CAMTA2: variants seen among roughly 807,000 people sequenced by gnomAD.
CAMTA2 encodes the protein calmodulin-binding transcription activator 2.
A neutral mutation model predicts 135.7 loss-of-function variants in CAMTA2; 56 were observed. The observed-to-expected ratio is 0.41, with a 90% CI of 0.33 to 0.52. CAMTA2 has a LOEUF of 0.52. Ranked by LOEUF, CAMTA2 falls within the 20% of genes least tolerant of loss-of-function variation. The probability of loss-of-function intolerance (pLI) is 0.16; values close to 1 mark genes in which losing one functional copy is unlikely to be tolerated. For synonymous variants in CAMTA2, 591 were observed against 604.6 expected, an observed-to-expected ratio of 0.98 and a Z score of 0.33; for missense variants, 1,358 against 1,553.4, an observed-to-expected ratio of 0.87 and a Z score of 2.11.
chr17:4,972,206 CA>C, intron 16 of CAMTA2, 25 bp downstream of exon 16: 1 of 1,594,840 alleles, frequency 6.3e-7, no homozygotes. Context: ...TTCTAGCCCC[CA>C]TAACTCCATC....
chr17:4,973,057 T>C (rs1597735598), intron 14 of CAMTA2, 66 bp from the exon 15 acceptor site: 1 of 1,511,210 alleles, frequency 6.6e-7, no homozygotes, highest in African/African-American at 1.4e-5. Flanking sequence ...TTCCTCCAGG[T>C]AGTCAGGTCT....
In CAMTA2 at chr17:4,974,438, T is replaced by C. The variant is rs1248635359; in HGVS notation, c.1963A>G (p.Ile655Val). 1 of 1,613,914 alleles carries C rather than the reference T, an allele frequency of 6.2e-7. No homozygotes were observed. The highest frequency in any genetic ancestry group is 8.5e-7 in the Non-Finnish European group (1 of 1,179,942). The change falls in exon 12 of 23, where the codon ATC becomes GTC. Residue 655 changes from isoleucine to valine, a missense_variant. Physicochemically the swap from Ile to Val is conservative, Grantham distance 29. Around this residue, in one of 4 missense-constraint regions of CAMTA2, gnomAD observed 1,077 missense variants for 1,127.5 expected, o/e 0.96. Transcript: ENST00000348066. ...CAAGGCACCTGCCCAGCTGCTGCGA[T>C]CTCTGCCATCCGCTTCTCCATCTGC... ...LEQMEKRMAE[I>V]AAAGQVPCQG...
chr17:4,986,259 G>C lies in CAMTA2; in HGVS notation c.-37C>G, dbSNP rs991497139. On this transcript the variant is annotated 5_prime_UTR_variant, in exon 2 of 23. It introduces an in-frame stop codon into an upstream open reading frame of the 5' UTR. Transcript: ENST00000348066. ...CAGGGGGCAAGGTCACCCCCGGCCTGAGGGGCCGGGGGGAGGGGGAGTCTG... is the reference window on the plus strand; with the variant it reads ...CAGGGGGCAAGGTCACCCCCGGCCTCAGGGGCCGGGGGGAGGGGGAGTCTG... The C allele has an allele frequency of 5.8e-6, 9 of 1,543,322 alleles. No individual in the cohort carries two copies. Among genetic ancestry groups the C allele is most frequent in the Non-Finnish European group, 8.0e-6 (9 of 1,123,224 alleles).
At chr17:4,976,408 T>G (rs958167937) in intron 11 of CAMTA2, among the ~76,000 whole-genome samples, 1 of 152,204 alleles carries the variant, frequency 6.6e-6, no homozygotes, top group Non-Finnish European at 1.5e-5. Flanking sequence ...AATTTAAATA[T>G]ATAAGTACAG....
chr17:4,969,605 CA>C lies in CAMTA2; in HGVS notation c.3261+24del. 6.2e-7 allele frequency: 1 copy of C among 1,613,962 alleles called. No individual in the cohort carries two copies. The highest frequency in any genetic ancestry group is 1.7e-5 in the Admixed American group (1 of 60,004). On this transcript the variant is annotated intron_variant, in intron 19 of 22. Transcript: ENST00000348066. This position sits in a 1 kb window ranked among gnomAD's most constrained non-coding sequence, Gnocchi z 5.6. ...GTGTGGGTTGGTGGGTTGCTGGTTA[CA>C]CTTTTGAGGGAGAAGGGTCTCACCT... is the stretch of plus-strand genomic sequence containing the variant.
chr17:4,970,145 A>G lies in CAMTA2; in HGVS notation c.3006-60T>C, dbSNP rs370933374. 70 of 1,538,234 alleles carry G rather than the reference A, an allele frequency of 4.6e-5. 2 individuals are homozygous for G. In the South Asian group the frequency reaches 5.4e-4, roughly 12 times the overall value. ...ATCTGAAGTCCCTCCTCTGCCACCT[A>G]TGGATGGCTACGAAGGAAAACCACC... is the stretch of plus-strand genomic sequence containing the variant. On this transcript the variant is annotated intron_variant, in intron 17 of 22. Transcript: ENST00000348066.
At position 4,969,409 on chromosome 17, in the gene CAMTA2, A is replaced by C; in HGVS notation, c.3283-72T>G. 4 of 1,608,402 alleles carry C rather than the reference A, an allele frequency of 2.5e-6. No homozygotes were observed. In the South Asian group the frequency reaches 4.4e-5, roughly 18 times the overall value. On this transcript the variant is annotated intron_variant, in intron 20 of 22. Coordinates refer to ENST00000348066, the MANE Select transcript of CAMTA2 (RefSeq NM_015099.4). This position sits in a 1 kb window ranked among gnomAD's most constrained non-coding sequence, Gnocchi z 5.6. ...GACCCAAAGCCCTGAGGCTCACCCA[A>C]GTTAGGCTGATGCAAGACTCTCTGT...
chr17:4,974,860 T>C (rs950810466), intron 11 of CAMTA2, among the ~76,000 whole-genome samples: 4 of 152,196 alleles, frequency 2.6e-5, no homozygotes, highest in African/African-American at 9.7e-5. Flanking sequence ...CTGTCAATTT[T>C]TGCAGCAGAC....
In CAMTA2 at chr17:4,977,065, T is replaced by C; in HGVS notation, c.1893A>G (p.Ser631=). The change falls in exon 11 of 23, where the codon TCA becomes TCG. Residue 631 remains serine (S), a synonymous_variant. Coordinates refer to ENST00000348066, the MANE Select transcript of CAMTA2 (RefSeq NM_015099.4). ...SLPSTQLDWL[S]LDDNQFRMSI... ...AGAGGGCTGGGTACTCACCGTCCAG[T>C]GACAGCCAGTCAAGTTGAGTACTAG... is the stretch of plus-strand genomic sequence containing the variant. 6.2e-7 allele frequency: 1 copy of C among 1,614,146 alleles called. No homozygotes were observed. The highest frequency in any genetic ancestry group is 1.1e-5 in the South Asian group (1 of 91,078).
At chr17:4,987,083 C>T (rs538674738) in intron 1 of CAMTA2, 2 of 1,390,764 alleles carry the variant, frequency 1.4e-6, no homozygotes, top group Admixed American at 3.5e-5. Context: ...CCGTCGGGCT[C>T]GGCTATGTGC....
At chr17:4,987,401 C>G (rs1327640305) in intron 1 of CAMTA2, 192 bp downstream of exon 1, 3 of 1,369,066 alleles carry the variant, frequency 2.2e-6, no homozygotes, top group Admixed American at 3.8e-5. Context: ...GTCCCCGGCA[C>G]GCGCTGGTCC....
intron 3 of CAMTA2, among the ~76,000 whole-genome samples, chr17:4,984,186 G>A (rs1011136734): frequency 2.0e-5 from 3 of 151,836 alleles, no homozygotes; most frequent in Non-Finnish European, 4.4e-5. Flanking sequence ...TCCCGACCTC[G>A]TGATCCACCC....
At position 4,979,968 on chromosome 17, in the gene CAMTA2, C is replaced by T. The variant is rs1972857186; in HGVS notation, c.1354G>A (p.Glu452Lys). Residue 452 changes from glutamate (E) to lysine (K), a missense_variant, in exon 9 of 23, where the codon GAG becomes AAG. Coordinates refer to ENST00000348066, the MANE Select transcript of CAMTA2 (RefSeq NM_015099.4). The part of the protein sequence containing the change: ...FFIQDDDSGE[E>K]LKGHGAAPPI... ...GGGGCAGCCCCGTGACCCTTGAGCT[C>T]CTCCCCACTGTCATCATCTTGGATG... The T allele has an allele frequency of 6.2e-7, 1 of 1,613,428 alleles. No individual in the cohort carries two copies. Among genetic ancestry groups the T allele is most frequent in the Non-Finnish European group, 8.5e-7 (1 of 1,179,924 alleles).
chr17:4,983,429 T>C (rs1212288562), intron 3 of CAMTA2, among the ~76,000 whole-genome samples: 1 of 146,372 alleles, frequency 6.8e-6, no homozygotes, highest in African/African-American at 2.6e-5. Flanking sequence ...ATTACAGGCA[T>C]GCGCCACCAT....
Position 4,980,107 on chromosome 17 carries a change from G to T in CAMTA2, c.1215C>A (p.Ala405=). 6.2e-7 allele frequency: 1 copy of T among 1,610,128 alleles called. No individual in the cohort carries two copies. The highest frequency in any genetic ancestry group is 8.5e-7 in the Non-Finnish European group (1 of 1,177,586). Residue 405 remains alanine, a synonymous_variant, in exon 9 of 23, where the codon GCC becomes GCA. Transcript: ENST00000348066. This position sits in a 1 kb window ranked among gnomAD's most constrained non-coding sequence, Gnocchi z 5.3. ...CTAGGGCAGAACAGGGGGTATGAGC[G>T]GCCTCTGCCTCGGGGAAGTCTGGGC... The part of the protein sequence containing the change: ...GVSPDFPEAE[A]AHTPCSALEP...
At chr17:4,976,833 G>A (rs573675154) in intron 11 of CAMTA2, among the ~76,000 whole-genome samples, 1 of 152,264 alleles carries the variant, frequency 6.6e-6, no homozygotes, top group South Asian at 2.1e-4. Context: ...GGATGGAGAA[G>A]GCAGGTCAAG....
chr17:4,972,212 T>TC lies in CAMTA2; in HGVS notation c.2808+19dup, dbSNP rs756762228. 8 of 1,599,950 alleles carry TC rather than the reference T, an allele frequency of 5.0e-6. No homozygotes were observed. Among genetic ancestry groups the TC allele is most frequent in the Non-Finnish European group, 6.0e-6 (7 of 1,170,858 alleles). On this transcript the variant is annotated intron_variant, in intron 16 of 22. Transcript: ENST00000348066. ...CTACTCCACTTCTAGCCCCCATAACTCCATCAATATAAGCAGTACCGGGAT... is the reference window on the plus strand; with the variant it reads ...CTACTCCACTTCTAGCCCCCATAACTCCCATCAATATAAGCAGTACCGGGAT...
chr17:4,968,729 A>G lies in CAMTA2; in HGVS notation c.*27T>C, dbSNP rs1355729015. The G allele has an allele frequency of 2.5e-6, 4 of 1,613,736 alleles. No homozygotes were observed. The South Asian group carries it at 4.4e-5, about 18-fold the overall frequency. On this transcript the variant is annotated 3_prime_UTR_variant, in exon 23 of 23. Coordinates refer to ENST00000348066, the MANE Select transcript of CAMTA2 (RefSeq NM_015099.4). ...TGTTAAGACTGCACGAGGCGCCCCCAGGGTGGTGAGAAAGGCGGTGGCCAG... is the reference window on the plus strand; with the variant it reads ...TGTTAAGACTGCACGAGGCGCCCCCGGGGTGGTGAGAAAGGCGGTGGCCAG...
Position 4,972,554 on chromosome 17 carries a change from A to G in CAMTA2, c.2504-18T>C. ...GCTCAGACCTGTGTGGGGAGGGAAG[A>G]GAGTGAGGGCAGCCGGAGCCACGGC... On this transcript the variant is annotated intron_variant, in intron 15 of 22. Transcript: ENST00000348066. 6.3e-7 allele frequency: 1 copy of G among 1,596,672 alleles called. No individual in the cohort carries two copies. Among genetic ancestry groups the G allele is most frequent in the South Asian group, 1.1e-5 (1 of 89,246 alleles).
Sources: allele counts gnomAD v4.1 joint callset (sites outside exome capture counted in the v4.1 genomes callset), GRCh38; gene constraint gnomAD v4.1.1; regional missense constraint gnomAD v4.1.1; non-coding constraint Gnocchi (gnomAD v3.1); transcripts MANE v1.5; gene names NCBI Gene and HGNC (gene_info 2026-07-23, HGNC 2026-07-21).